Variants in MCF2L observed in about 807,000 individuals in gnomAD.
MCF2L encodes guanine nucleotide exchange factor DBS.
In MCF2L, 97 loss-of-function variants were observed where a neutral mutation model predicts 153.4. That is an observed-to-expected ratio of 0.63 (90% CI 0.54 to 0.75). The LOEUF (loss-of-function observed/expected upper bound fraction) is 0.75. MCF2L is among the 30% of genes least tolerant of loss of function. The probability of loss-of-function intolerance (pLI) is 0.00; values close to 1 mark genes in which losing one functional copy is unlikely to be tolerated. For synonymous variants in MCF2L, 659 were observed against 632.2 expected (o/e 1.04, Z -0.64); for missense variants, 1,347 against 1,495.2 (o/e 0.90, Z 1.64).
intron 4 of MCF2L, among the ~76,000 whole-genome samples, chr13:113,051,320 G>C (rs1427294288): frequency 1.3e-5 from 2 of 152,218 alleles, no homozygotes; most frequent in African/African-American, 2.4e-5. Context: ...TCTGAAGCCC[G>C]AGCTCTCTCC....
intron 2 of MCF2L, among the ~76,000 whole-genome samples, chr13:113,023,173 C>T (rs575909811): frequency 3.3e-5 from 5 of 152,304 alleles, no homozygotes; most frequent in Non-Finnish European, 7.3e-5. Flanking sequence ...CTAAGAGACT[C>T]GGCAGCCAGG....
rs1404434789 is a variant in MCF2L at position 112,894,882 on chromosome 13, G to T, written c.-5+451G>T. ...TGTCCAGGACAGCGCCTAGGGACAG[G>T]GCTGGAGGGAAGGGTAGCCTGGGGT... On this transcript the variant is annotated intron_variant, in intron 1 of 29. Transcript: ENST00000375608. 9.2e-5 allele frequency among the ~76,000 whole-genome samples: 14 copies of T among 151,856 alleles called. No homozygotes were observed. The East Asian group carries it at 2.7e-3, about 30-fold the overall frequency.
intron 5 of MCF2L, among the ~76,000 whole-genome samples, chr13:113,062,685 C>T (rs1034357182): frequency 1.3e-5 from 2 of 152,080 alleles, no homozygotes; most frequent in African/African-American, 2.4e-5. Context: ...ACGTGTGTGT[C>T]CGTGTTTCAG....
intron 1 of MCF2L, among the ~76,000 whole-genome samples, chr13:112,999,685 G>A (rs1370437676): frequency 6.6e-6 from 1 of 152,192 alleles, no homozygotes; most frequent in African/African-American, 2.4e-5. Context: ...TGTGTCCCAA[G>A]CCTGAGGCCT....
In MCF2L at chr13:113,074,533, G is replaced by A. The variant is rs1470385608; in HGVS notation, c.1086G>A (p.Arg362=). 1 of 1,614,044 alleles carries A rather than the reference G, an allele frequency of 6.2e-7. No homozygotes were observed. The highest frequency in any genetic ancestry group is 8.5e-7 in the Non-Finnish European group (1 of 1,179,992). ...NSLAHVEHLL[R]DLASFEEKSG... ...TGGCGCATGTGGAGCACCTGCTGAG[G>A]GACCTGGCCAGCTTCGAGGAGAAAT... The change falls in exon 10 of 30, where the codon AGG becomes AGA. Residue 362 remains arginine, a synonymous_variant. Coordinates refer to ENST00000535094, the MANE Select transcript of MCF2L (RefSeq NM_001112732.3). The surrounding 1 kb of genome is among the most constrained non-coding windows in gnomAD (Gnocchi z 4.2).
intron 2 of MCF2L, among the ~76,000 whole-genome samples, chr13:112,914,704 C>T (rs574533507): frequency 2.6e-5 from 4 of 152,292 alleles, no homozygotes; most frequent in Admixed American, 6.5e-5. Flanking sequence ...GCATCTCATG[C>T]GTGAGATTGA....
At chr13:112,975,860 G>T (rs967401115) in intron 1 of MCF2L, among the ~76,000 whole-genome samples, 1 of 152,178 alleles carries the variant, frequency 6.6e-6, no homozygotes, top group Non-Finnish European at 1.5e-5. Flanking sequence ...GCCCACGGTC[G>T]CAGAGAGCTC....
Position 112,943,441 on chromosome 13 carries a change from G to A in MCF2L, c.169+41070G>A, listed in dbSNP as rs2081597675. Among the ~76,000 whole-genome samples the A allele has an allele frequency of 6.6e-6, 1 of 151,808 alleles. No homozygotes were observed. On this transcript the variant is annotated intron_variant, in intron 2 of 29. Transcript: ENST00000375608. The surrounding 1 kb of genome is among the most constrained non-coding windows in gnomAD (Gnocchi z 4.2). ...GCCCAACGGAGGGCGCCGGCGCCCG[G>A]GAGAGGCGCCGCCTTGGTTGCAGGG...
At position 113,048,437 on chromosome 13, in the gene MCF2L, C is replaced by CTTTTTTTTTTTTTTTTTTTTTTTTT. The variant is rs35857164; in HGVS notation, c.369+3097_369+3098insTTTTTTTTTTTTTTTTTTTTTTTTT. Reference sequence around the variant, plus strand: ...CTTTCTTGCTATAATAATTTACGGTCTTTTTTTTTTTTTTTTTTTTTGAGA... The same window carrying CTTTTTTTTTTTTTTTTTTTTTTTTT: ...CTTTCTTGCTATAATAATTTACGGTCTTTTTTTTTTTTTTTTTTTTTTTTTTTTTTTTTTTTTTTTTTTTTTGAGA... On this transcript the variant is annotated intron_variant, in intron 4 of 29. Coordinates refer to ENST00000535094, the MANE Select transcript of MCF2L (RefSeq NM_001112732.3). Among the ~76,000 whole-genome samples the CTTTTTTTTTTTTTTTTTTTTTTTTT allele has an allele frequency of 1.9e-5, 2 of 104,176 alleles. 1 individual carries two copies. The allele number at this position is 104,176 out of a possible 152,430, so 68.3% of individuals were successfully genotyped here.
chr13:112,940,409 G>A (rs1197961213), intron 2 of MCF2L, among the ~76,000 whole-genome samples: 1 of 152,194 alleles, frequency 6.6e-6, no homozygotes, highest in Non-Finnish European at 1.5e-5. Context: ...TTCCGGGGGC[G>A]CCAGGCAAGC....
At chr13:112,946,895 G>T (rs149133914) in intron 2 of MCF2L, among the ~76,000 whole-genome samples, 4 of 152,198 alleles carry the variant, frequency 2.6e-5, no homozygotes, top group East Asian at 1.9e-4. Context: ...AACTCTGAGG[G>T]GGGGAGGAGG....
intron 2 of MCF2L, among the ~76,000 whole-genome samples, chr13:112,915,869 T>TTTGTTG (rs533153029): frequency 6.6e-6 from 1 of 151,902 alleles, no homozygotes; most frequent in Admixed American, 6.6e-5. Context: ...AGATGGGTAC[T>TTTGTTG]TTGTTGTTGT....
chr13:113,063,681 G>A lies in MCF2L; in HGVS notation c.490-623G>A, dbSNP rs114016402. ...TTAAATACCGTATCAGTCTAGAGTGGGGACTCCACTGGGGGTGATTTTGCC... is the reference window on the plus strand; with the variant it reads ...TTAAATACCGTATCAGTCTAGAGTGAGGACTCCACTGGGGGTGATTTTGCC... On this transcript the variant is annotated intron_variant, in intron 5 of 29. Coordinates refer to ENST00000535094, the MANE Select transcript of MCF2L (RefSeq NM_001112732.3). Among the ~76,000 whole-genome samples, 1,003 of 152,276 alleles carry A rather than the reference G, an allele frequency of 6.6e-3. 10 individuals carry two copies. Among genetic ancestry groups the A allele is most frequent in the African/African-American group, 0.023 (936 of 41,552 alleles).
chr13:113,092,147 C>T lies in MCF2L; in HGVS notation c.2954-2367C>T, dbSNP rs548659348. 9.5e-4 allele frequency among the ~76,000 whole-genome samples: 145 copies of T among 152,350 alleles called. 1 individual carries two copies. The highest frequency in any genetic ancestry group is 3.4e-3 in the African/African-American group (140 of 41,570). On this transcript the variant is annotated intron_variant, in intron 26 of 29. Transcript: ENST00000535094. ...CTATTCTTGTCTGTCAAACCCTCTC[C>T]GCTTGTGAACTGGAGTCGGCAGAGC...
intron 26 of MCF2L, chr13:113,093,454 C>G (rs2035388542): frequency 6.6e-6 from 1 of 152,304 alleles, no homozygotes; most frequent in African/African-American, 2.4e-5. Flanking sequence ...CAGAGTTCCG[C>G]TTAGCACAGG....
intron 4 of MCF2L, among the ~76,000 whole-genome samples, chr13:113,049,213 G>A (rs1449322333): frequency 6.6e-6 from 1 of 152,196 alleles, no homozygotes; most frequent in Non-Finnish European, 1.5e-5. Context: ...TGGTGGCACT[G>A]TCATAGGAGC....
At chr13:112,992,101 T>C (rs776386573) in intron 1 of MCF2L, among the ~76,000 whole-genome samples, 1 of 152,212 alleles carries the variant, frequency 6.6e-6, no homozygotes, top group Non-Finnish European at 1.5e-5. Context: ...TCAAAACTTA[T>C]TTCATGCACA....
chr13:113,042,478 G>C (rs1375994304), intron 3 of MCF2L: 1 of 152,194 alleles, frequency 6.6e-6, no homozygotes. Flanking sequence ...TTGTGATACT[G>C]GTGTTCCCAT....
At position 113,077,054 on chromosome 13, in the gene MCF2L, G is replaced by C. The variant is rs369170724; in HGVS notation, c.1503G>C (p.Glu501Asp). ...CCTTACTGAGCATGCGGTTTCAGGA[G>C]CACGTGCGAAAGGTCTTCCAGAAGC... Reference protein sequence around the residue: ...YESILNQDLMEHVRKVFQKQA... With the variant: ...YESILNQDLMDHVRKVFQKQA... Residue 501 changes from glutamate to aspartate, a missense_variant and splice_region_variant, in exon 13 of 30, where the codon GAG becomes GAC. Glu to Asp is a conservative substitution (Grantham distance 45, BLOSUM62 2). Coordinates refer to ENST00000535094, the MANE Select transcript of MCF2L (RefSeq NM_001112732.3). 1.2e-4 allele frequency: 190 copies of C among 1,610,108 alleles called. 1 individual carries two copies. The highest frequency in any genetic ancestry group is 1.5e-4 in the Non-Finnish European group (181 of 1,178,212).
Sources: allele counts gnomAD v4.1 joint callset (sites outside exome capture counted in the v4.1 genomes callset), GRCh38; gene constraint gnomAD v4.1.1; non-coding constraint Gnocchi (gnomAD v3.1); transcripts MANE v1.5; gene names NCBI Gene and HGNC (gene_info 2026-07-23, HGNC 2026-07-21).